The following CFAP92 variants were observed in gnomAD, a reference collection of about 807,000 sequenced individuals.
CFAP92 encodes the protein uncharacterized protein CFAP92.
CFAP92 carries 86 observed loss-of-function variants against 106.3 expected under a neutral mutation model. That is an observed-to-expected ratio of 0.81 (90% CI 0.68 to 0.97). The LOEUF (loss-of-function observed/expected upper bound fraction) is 0.97, where lower values mean the gene tolerates loss of function less well. CFAP92 is among the 50% of genes least tolerant of loss of function. The pLI is 0.00. For synonymous variants in CFAP92, 477 were observed against 506.4 expected (o/e 0.94, Z 0.78); for missense variants, 1,204 against 1,283.8 (o/e 0.94, Z 0.95).
At chr3:128,944,802 C>T (rs1940042180) in intron 10 of CFAP92, among the ~76,000 whole-genome samples, 1 of 152,186 alleles carries the variant, frequency 6.6e-6, no homozygotes, top group South Asian at 2.1e-4. Flanking sequence ...TGTTTAGCCA[C>T]AGTAGCCCTT....
At chr3:128,964,044 G>C (rs1040923058) in intron 9 of CFAP92, among the ~76,000 whole-genome samples, 49 of 152,174 alleles carry the variant, frequency 3.2e-4, no homozygotes, top group African/African-American at 1.1e-3. Flanking sequence ...CCTTCTGTCA[G>C]ACATAATTCC....
Position 128,963,241 on chromosome 3 carries a change from C to G in CFAP92, c.1353+2270G>C, listed in dbSNP as rs370055703. On this transcript the variant is annotated intron_variant, in intron 9 of 15. Transcript: ENST00000645291. Reference sequence around the variant, plus strand: ...ACAACTCCTTTCCTTCCTAGGCATGCTTAGTGCGGTCAGAATTCTTAAACA... The same window carrying G: ...ACAACTCCTTTCCTTCCTAGGCATGGTTAGTGCGGTCAGAATTCTTAAACA... 4.7e-4 allele frequency among the ~76,000 whole-genome samples: 71 copies of G among 152,258 alleles called. No homozygotes were observed. The East Asian group carries it at 9.5e-3, about 20-fold the overall frequency.
intron 9 of CFAP92, among the ~76,000 whole-genome samples, chr3:128,947,977 C>G (rs891678306): frequency 2.0e-5 from 3 of 151,718 alleles, no homozygotes; most frequent in Non-Finnish European, 4.4e-5. Context: ...ACAATGCATA[C>G]ATGAAAAAAA....
chr3:129,021,217 C>T, the CFAP92 span, among the ~76,000 whole-genome samples: 38 of 152,316 alleles, frequency 2.5e-4, no homozygotes, highest in South Asian at 8.3e-4. Flanking sequence ...ACCTCACTTT[C>T]GTCATGATGA....
At chr3:129,001,593 A>G (rs1944751231) in intron 1 of CFAP92, 4 of 1,352,394 alleles carry the variant, frequency 3.0e-6, no homozygotes, top group Non-Finnish European at 1.9e-6. Flanking sequence ...AAGGGACCGG[A>G]GGAGGGACCG....
At chr3:128,959,709 C>T (rs1470019733) in intron 9 of CFAP92, among the ~76,000 whole-genome samples, 1 of 152,204 alleles carries the variant, frequency 6.6e-6, no homozygotes, top group Non-Finnish European at 1.5e-5. Context: ...ATGTGAAGAG[C>T]ACCTGCGGCA....
chr3:128,925,584 T>G (rs1937591673), intron 12 of CFAP92, among the ~76,000 whole-genome samples: 1 of 152,068 alleles, frequency 6.6e-6, no homozygotes, highest in Non-Finnish European at 1.5e-5. Context: ...GGTGAAAATA[T>G]CTAACATTGG....
At chr3:129,007,889 A>G in the CFAP92 span, among the ~76,000 whole-genome samples, 2 of 152,322 alleles carry the variant, frequency 1.3e-5, no homozygotes, top group South Asian at 2.1e-4. Flanking sequence ...GTAGCATTCA[A>G]CCATACTAAT....
intron 4 of CFAP92, among the ~76,000 whole-genome samples, chr3:128,981,802 A>G (rs1234767580): frequency 6.6e-6 from 1 of 152,202 alleles, no homozygotes; most frequent in African/African-American, 2.4e-5. Flanking sequence ...CTCTTTGTAC[A>G]CCTCCATCAG....
chr3:128,915,116 T>C lies in CFAP92; in HGVS notation c.3280+3A>G, dbSNP rs1936697715. 1.3e-6 allele frequency: 2 copies of C among 1,535,592 alleles called. No homozygotes were observed. Among genetic ancestry groups the C allele is most frequent in the Non-Finnish European group, 1.7e-6 (2 of 1,146,642 alleles). On this transcript the variant is annotated splice_donor_region_variant and intron_variant, in intron 15 of 15. Coordinates refer to ENST00000645291, the MANE Select transcript of CFAP92 (RefSeq NM_001394090.1). ...CCCAGCTTGGCAAACCCTTGCCTGTTACCTGTTACAGGCTTTGGTGCGGGC... is the reference window on the plus strand; with the variant it reads ...CCCAGCTTGGCAAACCCTTGCCTGTCACCTGTTACAGGCTTTGGTGCGGGC...
At chr3:128,946,047 C>G in intron 9 of CFAP92, 72 bp from the exon 10 acceptor site, 1 of 1,142,938 alleles carries the variant, frequency 8.7e-7, no homozygotes, top group African/African-American at 1.6e-5. Flanking sequence ...ATGAGGAGCT[C>G]AAATCCCAGT....
At chr3:128,976,666 CA>C (rs1943177718) in intron 6 of CFAP92, among the ~76,000 whole-genome samples, 1 of 152,164 alleles carries the variant, frequency 6.6e-6, no homozygotes, top group African/African-American at 2.4e-5. Context: ...CTGGCTTAAC[CA>C]GGAATTCTGG....
chr3:128,964,359 A>G (rs1222233179), intron 9 of CFAP92, among the ~76,000 whole-genome samples: 4 of 152,176 alleles, frequency 2.6e-5, no homozygotes, highest in South Asian at 2.1e-4. Flanking sequence ...ATTTGACACC[A>G]GACCAACTGA....
the CFAP92 span, among the ~76,000 whole-genome samples, chr3:129,025,112 G>A: frequency 7.4e-4 from 112 of 152,222 alleles, no homozygotes; most frequent in African/African-American, 1.4e-3. Context: ...AAGTTCGGGC[G>A]CTTGTCAGGA....
At chr3:128,948,377 C>CTTTT (rs4040748) in intron 9 of CFAP92, among the ~76,000 whole-genome samples, 46 of 79,768 alleles carry the variant, frequency 5.8e-4, no homozygotes, top group African/African-American at 9.5e-4. Context: ...CTTTTCTTTC[C>CTTTT]TTTTTTTTTT....
At chr3:128,938,525 G>A (rs561221004) in intron 10 of CFAP92, among the ~76,000 whole-genome samples, 9 of 143,868 alleles carry the variant, frequency 6.3e-5, no homozygotes, top group South Asian at 2.2e-4. Flanking sequence ...ATGGAGTCTC[G>A]CTCTGTCTCC....
intron 12 of CFAP92, among the ~76,000 whole-genome samples, chr3:128,927,672 G>A (rs986406402): frequency 7.3e-5 from 11 of 150,410 alleles, no homozygotes; most frequent in East Asian, 3.9e-4. Flanking sequence ...TGCAGTGAGC[G>A]GAGATTGTGC....
chr3:128,975,432 G>A (rs1011515065), intron 7 of CFAP92, among the ~76,000 whole-genome samples: 1 of 62,782 alleles, frequency 1.6e-5, no homozygotes, highest in South Asian at 4.1e-4. Flanking sequence ...GATAGGGATG[G>A]ATGGATGGAT....
exon 1 of CFAP92, chr3:129,002,670 G>A (rs1944849865): frequency 3.2e-6 from 1 of 313,060 alleles, no homozygotes; most frequent in African/African-American, 2.2e-5. Context: ...CTTTCAACAA[G>A]CATCTTTCTC....
Sources: gnomAD v4.1 joint callset for allele counts (sites outside exome capture counted in the v4.1 genomes callset) on GRCh38, gnomAD v4.1.1 for gene constraint, MANE v1.5 for transcripts, NCBI Gene and HGNC (gene_info 2026-07-23, HGNC 2026-07-21) for gene names.